Variants in NUP160 observed in about 807,000 individuals in gnomAD.
NUP160 encodes nuclear pore complex protein Nup160.
In NUP160, 94 loss-of-function variants were observed where a neutral mutation model predicts 196.9. That is an observed-to-expected ratio of 0.48 (90% CI 0.40 to 0.57). The LOEUF is 0.57. Among genes scored for constraint, NUP160 ranks in the 20% least tolerant of loss-of-function variants. NUP160 has a pLI of 0.00. For missense variants in NUP160, 1,638 were observed against 1,748.3 expected (o/e 0.94, Z 1.13); for synonymous variants, 605 against 619.7 (o/e 0.98, Z 0.35).
At chr11:47,843,822 C>G (rs1453961750) in intron 2 of NUP160, among the ~76,000 whole-genome samples, 1 of 152,204 alleles carries the variant, frequency 6.6e-6, no homozygotes, top group Non-Finnish European at 1.5e-5. Context: ...TAAGCACGAT[C>G]TAATGCCAAC....
chr11:47,783,008 C>T (rs112521799), intron 34 of NUP160, 65 bp downstream of exon 34: 7 of 1,354,318 alleles, frequency 5.2e-6, no homozygotes, highest in African/African-American at 2.9e-5. Flanking sequence ...ACTTTCAAAC[C>T]ACTGTAAAGT....
exon 1 of NUP160, chr11:47,848,227 C>G: frequency 6.2e-7 from 1 of 1,614,206 alleles, no homozygotes; most frequent in Non-Finnish European, 8.5e-7. Context: ...ACCAATGCTG[C>G]AGACTGTGAA....
Position 47,823,620 on chromosome 11 carries a change from T to A in NUP160, c.1102-1456A>T, listed in dbSNP as rs541437729. Among the ~76,000 whole-genome samples, 8 of 152,116 alleles carry A rather than the reference T, an allele frequency of 5.3e-5. No individual in the cohort carries two copies. The South Asian group carries it at 1.7e-3, about 32-fold the overall frequency. ...TGCGATCTCGGCTCACTGCAAGCTCTGCCTCCCAGGTTCCTGCCATTCTCC... is the reference window on the plus strand; with the variant it reads ...TGCGATCTCGGCTCACTGCAAGCTCAGCCTCCCAGGTTCCTGCCATTCTCC... On this transcript the variant is annotated intron_variant, in intron 7 of 35. Transcript: ENST00000378460.
intron 3 of NUP160, 117 bp downstream of exon 3, chr11:47,840,261 G>A: frequency 2.1e-6 from 2 of 937,198 alleles, no homozygotes; most frequent in South Asian, 1.4e-5. Flanking sequence ...AGTATGCTTG[G>A]TGAGGGATAA....
At chr11:47,841,979 G>T (rs1013323948) in intron 2 of NUP160, among the ~76,000 whole-genome samples, 2 of 152,036 alleles carry the variant, frequency 1.3e-5, no homozygotes, top group Non-Finnish European at 2.9e-5. Context: ...TTACAGGTGT[G>T]AGCCACCACA....
chr11:47,812,453 T>G, intron 15 of NUP160, 24 bp from the exon 16 acceptor site: 1 of 1,603,066 alleles, frequency 6.2e-7, no homozygotes, highest in Non-Finnish European at 8.5e-7. Context: ...TACAAAACTC[T>G]TATTACTACC....
chr11:47,819,965 GCTTT>G (rs902438986), intron 9 of NUP160, among the ~76,000 whole-genome samples: 2 of 152,212 alleles, frequency 1.3e-5, no homozygotes, highest in African/African-American at 4.8e-5. Context: ...TGCAGCCTGT[GCTTT>G]CTGACTACTT....
chr11:47,815,177 C>T (rs2097683643), intron 13 of NUP160: 1 of 174,044 alleles, frequency 5.7e-6, no homozygotes. Context: ...GAGATCACAC[C>T]ACTGCACTCC....
rs1054630711 is a variant in NUP160, at chr11:47,807,598, T to C, written c.2376-458A>G. 3.7e-4 allele frequency among the ~76,000 whole-genome samples: 55 copies of C among 150,532 alleles called. 1 individual carries two copies. ...AGCAATATTGTTTGAATCAGGGAGG[T>C]GGAGGTTGCAGTGAGCCGAGATCGC... On this transcript the variant is annotated intron_variant, in intron 18 of 35. Transcript: ENST00000378460.
rs1267625040 is a variant in NUP160 at position 47,848,366 on chromosome 11, C to A, written c.55G>T (p.Ala19Ser). 1.2e-6 allele frequency: 2 copies of A among 1,610,038 alleles called. No individual in the cohort carries two copies. The highest frequency in any genetic ancestry group is 1.7e-6 in the Non-Finnish European group (2 of 1,178,546). Residue 19 changes from alanine (A) to serine (S), a missense_variant, in exon 1 of 36, where the codon GCG becomes TCG. Physicochemically the swap from Ala to Ser is moderately conservative, Grantham distance 99 (BLOSUM62 1). This residue lies in a region of NUP160 where 287 missense variants were observed against 259.5 expected (regional missense o/e 1.11). Coordinates refer to ENST00000378460, the Ensembl canonical transcript of NUP160. Reference sequence around the variant, plus strand: ...CCAACGGAACAAAGGCAGGGCCGCGCGGTCGCCGTCACTTCCGGGGGTGGG... The same window carrying A: ...CCAACGGAACAAAGGCAGGGCCGCGAGGTCGCCGTCACTTCCGGGGGTGGG...
chr11:47,782,448 T>C (rs1202471733), intron 34 of NUP160, among the ~76,000 whole-genome samples: 1 of 148,838 alleles, frequency 6.7e-6, no homozygotes, highest in Non-Finnish European at 1.5e-5. Context: ...AAAATACATA[T>C]AATACATCTA....
exon 17 of NUP160, chr11:47,812,131 C>A (rs772549047): frequency 6.2e-7 from 1 of 1,614,014 alleles, no homozygotes; most frequent in Non-Finnish European, 8.5e-7. Flanking sequence ...GAAACGAGTA[C>A]TGGCGATTTT....
Position 47,806,564 on chromosome 11 carries a change from T to C in NUP160, c.2447-252A>G. ...TTCTTTTCACTGATCTCACAAGACT[T>C]AAGTGCCTTCCCTAGAAATTCTTCA... On this transcript the variant is annotated intron_variant, in intron 19 of 35. Coordinates refer to ENST00000378460, the Ensembl canonical transcript of NUP160. 3 of 364,368 alleles carry C rather than the reference T, an allele frequency of 8.2e-6. No homozygotes were observed. The South Asian group carries it at 1.6e-4, about 20-fold the overall frequency. The allele number at this position is 364,368 out of a possible 1,614,324, so 22.6% of individuals were successfully genotyped here. A position where few individuals can be genotyped will look rare whatever the true frequency, so the allele number is the denominator to read the frequency against.
intron 29 of NUP160, among the ~76,000 whole-genome samples, chr11:47,789,839 T>C (rs2097666866): frequency 6.6e-6 from 1 of 152,040 alleles, no homozygotes; most frequent in South Asian, 2.1e-4. Context: ...GCATATAACA[T>C]TTCATTACCC....
At chr11:47,788,639 C>T in intron 29 of NUP160, 28 bp from the exon 30 acceptor site, 1 of 1,415,996 alleles carries the variant, frequency 7.1e-7, no homozygotes, top group Non-Finnish European at 1.0e-6. Context: ...ATATTTTGAA[C>T]TCCCAAAATA....
intron 19 of NUP160, 179 bp from the exon 20 acceptor site, chr11:47,806,491 A>T: frequency 1.9e-6 from 1 of 533,462 alleles, no homozygotes; most frequent in Non-Finnish European, 3.3e-6. Flanking sequence ...ATTGTGAGGC[A>T]CTATAAAAAT....
chr11:47,819,834 T>C (rs571466393), intron 9 of NUP160, among the ~76,000 whole-genome samples: 1 of 152,378 alleles, frequency 6.6e-6, no homozygotes, highest in African/African-American at 2.4e-5. Context: ...ACATTATTCA[T>C]GTATGCCTTA....
chr11:47,784,820 G>T, intron 33 of NUP160, 102 bp downstream of exon 33: 1 of 898,864 alleles, frequency 1.1e-6, no homozygotes, highest in Non-Finnish European at 1.6e-6. Context: ...GGCATGACAG[G>T]TATGAGCCAC....
intron 31 of NUP160, 46 bp downstream of exon 31, chr11:47,788,134 AAT>A: frequency 6.7e-7 from 1 of 1,494,152 alleles, no homozygotes; most frequent in Non-Finnish European, 9.2e-7. Context: ...GCAAGAGGAT[AAT>A]ATATTTGCAT....
Sources: allele counts gnomAD v4.1 joint callset (sites outside exome capture counted in the v4.1 genomes callset), GRCh38; gene constraint gnomAD v4.1.1; regional missense constraint gnomAD v4.1.1; transcripts MANE v1.5; gene names NCBI Gene and HGNC (gene_info 2026-07-23, HGNC 2026-07-21).